SNX29: variants seen among roughly 807,000 people sequenced by gnomAD.
The protein encoded by SNX29 is sorting nexin 29, also known as sorting nexin-29.
A neutral mutation model predicts 102.1 loss-of-function variants in SNX29; 78 were observed. The observed-to-expected ratio is 0.76, with a 90% CI of 0.64 to 0.92. SNX29 has a LOEUF of 0.92. Among genes scored for constraint, SNX29 ranks in the 40% least tolerant of loss-of-function variants. SNX29 has a pLI of 0.00. For missense variants in SNX29, 1,280 were observed against 1,061.7 expected (o/e 1.21, Z -2.86); for synonymous variants, 580 against 414.5 (o/e 1.40, Z -4.85).
intron 3 of SNX29, among the ~76,000 whole-genome samples, chr16:12,024,202 G>C (rs1016848975): frequency 6.6e-6 from 1 of 151,124 alleles, no homozygotes; most frequent in African/African-American, 2.4e-5. Context: ...ATAATGGCAC[G>C]ATCTCGGCTC....
chr16:12,036,404 G>C (rs373514313), intron 4 of SNX29, among the ~76,000 whole-genome samples: 1 of 146,284 alleles, frequency 6.8e-6, no homozygotes, highest in African/African-American at 2.5e-5. Flanking sequence ...GCACCATCTC[G>C]GCTCACTGCC....
intron 13 of SNX29, among the ~76,000 whole-genome samples, chr16:12,162,694 G>A (rs900416511): frequency 5.3e-5 from 8 of 152,190 alleles, no homozygotes; most frequent in African/African-American, 7.2e-5. Context: ...GAAGGCAGTG[G>A]GGTCTTGTGT....
chr16:12,278,091 C>G (rs1334269192), intron 15 of SNX29, 55 bp downstream of exon 15: 21 of 1,482,370 alleles, frequency 1.4e-5, no homozygotes, highest in Admixed American at 3.9e-5. Flanking sequence ...GCGTTGGAGA[C>G]TTTCCAGGGT....
At chr16:12,197,330 G>C (rs964854532) in intron 13 of SNX29, among the ~76,000 whole-genome samples, 3 of 152,142 alleles carry the variant, frequency 2.0e-5, no homozygotes, top group Non-Finnish European at 2.9e-5. Flanking sequence ...AGCACTTGGG[G>C]AGGCTGAGGT....
At chr16:12,463,171 G>A (rs1310537027) in intron 18 of SNX29, among the ~76,000 whole-genome samples, 3 of 152,234 alleles carry the variant, frequency 2.0e-5, no homozygotes, top group Non-Finnish European at 4.4e-5. Context: ...CTGACTTGGG[G>A]TGGAGGCGGA....
chr16:12,487,091 A>G (rs7190019), intron 19 of SNX29, among the ~76,000 whole-genome samples: 2,268 of 152,292 alleles, frequency 0.015, 68 homozygotes, highest in African/African-American at 0.052. Flanking sequence ...AGGAATACTC[A>G]TGCCACTTCT....
At chr16:12,394,289 G>GC (rs2083642874) in intron 16 of SNX29, among the ~76,000 whole-genome samples, 1 of 152,174 alleles carries the variant, frequency 6.6e-6, no homozygotes, top group Admixed American at 6.5e-5. Context: ...GATCTTCTGG[G>GC]CATCCCAGAG....
chr16:12,098,607 C>T lies in SNX29; in HGVS notation c.1402+19692C>T, dbSNP rs772115130. Among the ~76,000 whole-genome samples the T allele has an allele frequency of 4.6e-5, 7 of 152,184 alleles. No individual in the cohort carries two copies. Among genetic ancestry groups the T allele is most frequent in the Admixed American group, 1.3e-4 (2 of 15,278 alleles). On this transcript the variant is annotated intron_variant, in intron 11 of 20. Transcript: ENST00000566228. The surrounding 1 kb of genome is among the most constrained non-coding windows in gnomAD (Gnocchi z 6.0). ...TTCAGTTTCATGCTCTTCCGTCTGC[C>T]GGGACACCCTCCCCTCTCCTCCTCT... is the stretch of plus-strand genomic sequence containing the variant.
chr16:12,286,210 T>C (rs1011736729), intron 15 of SNX29, among the ~76,000 whole-genome samples: 3 of 152,010 alleles, frequency 2.0e-5, no homozygotes, highest in Non-Finnish European at 4.4e-5. Context: ...TCATATAGTT[T>C]GATTACCAAG....
At chr16:12,228,608 C>G (rs1439818947) in intron 14 of SNX29, among the ~76,000 whole-genome samples, 1 of 152,238 alleles carries the variant, frequency 6.6e-6, no homozygotes, top group Admixed American at 6.5e-5. Flanking sequence ...GATGCCTTAC[C>G]ATGACTTGCA....
chr16:12,332,641 G>A (rs1037525414), intron 15 of SNX29, among the ~76,000 whole-genome samples: 2 of 152,094 alleles, frequency 1.3e-5, no homozygotes, highest in African/African-American at 2.4e-5. Context: ...CAAGAACCCC[G>A]TCCTTAGGCC....
intron 15 of SNX29, among the ~76,000 whole-genome samples, chr16:12,325,662 C>A (rs191259205): frequency 6.6e-6 from 1 of 152,196 alleles, no homozygotes; most frequent in East Asian, 1.9e-4. Context: ...GACATCTTGG[C>A]AATTTCTGAG....
chr16:12,206,161 G>A (rs571991334), intron 14 of SNX29, among the ~76,000 whole-genome samples: 4 of 152,302 alleles, frequency 2.6e-5, no homozygotes, highest in African/African-American at 9.6e-5. Flanking sequence ...TGCCCTGGTT[G>A]TGTCATTCAG....
At chr16:12,515,863 G>C (rs970815792) in intron 19 of SNX29, among the ~76,000 whole-genome samples, 2 of 152,072 alleles carry the variant, frequency 1.3e-5, no homozygotes, top group Non-Finnish European at 2.9e-5. Context: ...TAACCAGCCT[G>C]GGCGTAAATC....
chr16:12,368,841 GC>G (rs1198865972), intron 16 of SNX29, among the ~76,000 whole-genome samples: 1 of 152,222 alleles, frequency 6.6e-6, no homozygotes, highest in African/African-American at 2.4e-5. Flanking sequence ...GGGCTCACGT[GC>G]CCCTTGTTCT....
chr16:12,116,713 T>C (rs1387466918), intron 11 of SNX29, among the ~76,000 whole-genome samples: 1 of 152,190 alleles, frequency 6.6e-6, no homozygotes, highest in Non-Finnish European at 1.5e-5. Context: ...TGCTTCAACG[T>C]GGATGAACTG....
chr16:12,515,946 C>T (rs1243039074), intron 19 of SNX29, among the ~76,000 whole-genome samples: 1 of 152,106 alleles, frequency 6.6e-6, no homozygotes, highest in East Asian at 1.9e-4. Context: ...GCAGCCCCTC[C>T]TTTCTCCACG....
intron 8 of SNX29, among the ~76,000 whole-genome samples, chr16:12,056,598 G>C (rs2050530942): frequency 6.6e-6 from 1 of 152,214 alleles, no homozygotes; most frequent in Admixed American, 6.5e-5. Flanking sequence ...GTGTCTGGCA[G>C]AGTCTGCTGC....
At position 12,568,572 on chromosome 16, in the gene SNX29, G is replaced by A. The variant is rs369902479; in HGVS notation, c.2385G>A (p.Leu795=). The change falls in exon 21 of 21, where the codon CTG becomes CTA. Residue 795 remains leucine, a synonymous_variant. Transcript: ENST00000566228. ...AAGCAGCTTCCCGCTTCCCCAAACTGTCCCGGGGTCAGCCCCGGGAGACCC... is the reference window on the plus strand; with the variant it reads ...AAGCAGCTTCCCGCTTCCCCAAACTATCCCGGGGTCAGCCCCGGGAGACCC... ...RPKAASRFPK[L]SRGQPRETRN... The A allele has an allele frequency of 4.4e-6, 7 of 1,607,846 alleles. No individual in the cohort carries two copies. The highest frequency in any genetic ancestry group is 1.7e-5 in the Admixed American group (1 of 59,992).
Sources: gnomAD v4.1 joint callset for allele counts (sites outside exome capture counted in the v4.1 genomes callset) on GRCh38, gnomAD v4.1.1 for gene constraint, Gnocchi (gnomAD v3.1) non-coding constraint, MANE v1.5 for transcripts, NCBI Gene and HGNC (gene_info 2026-07-23, HGNC 2026-07-21) for gene names.